Variants in ABCC4 observed in about 807,000 individuals in gnomAD.
ABCC4 encodes ATP binding cassette subfamily C member 4 (PEL blood group).
Under a neutral mutation model 168.5 loss-of-function variants are expected in ABCC4, and 102 were observed. The ratio of observed to expected loss-of-function variants is 0.61; its 90% CI spans 0.52 to 0.71. The LOEUF is 0.71. ABCC4 is among the 30% of genes least tolerant of loss of function. The pLI is 0.00. For synonymous variants in ABCC4, 617 were observed against 590.7 expected, an observed-to-expected ratio of 1.04 and a Z score of -0.65; for missense variants, 1,402 against 1,605.8, an observed-to-expected ratio of 0.87 and a Z score of 2.17.
chr13:95,277,473 T>C (rs972208394), intron 1 of ABCC4, among the ~76,000 whole-genome samples: 4 of 151,192 alleles, frequency 2.6e-5, no homozygotes, highest in Non-Finnish European at 5.9e-5. Flanking sequence ...CTCAGTTATT[T>C]GGGAGCCTGA....
chr13:95,141,994 TGTAAACTA>T (rs2036333909), intron 19 of ABCC4, among the ~76,000 whole-genome samples: 1 of 152,228 alleles, frequency 6.6e-6, no homozygotes, highest in South Asian at 2.1e-4. Flanking sequence ...CTGGTGGGAA[TGTAAACTA>T]GTACAACCAC....
chr13:95,137,250 T>A (rs577221058), intron 19 of ABCC4, among the ~76,000 whole-genome samples: 4 of 152,282 alleles, frequency 2.6e-5, no homozygotes, highest in African/African-American at 9.6e-5. Flanking sequence ...AAGTAAGAGC[T>A]CTCACCAGGA....
intron 19 of ABCC4, among the ~76,000 whole-genome samples, chr13:95,141,286 C>T (rs866583825): frequency 3.9e-5 from 6 of 152,166 alleles, no homozygotes; most frequent in Non-Finnish European, 7.3e-5. Flanking sequence ...GTAATCAAAA[C>T]GTTAAATGTT....
At chr13:95,185,512 T>G (rs1255574935) in intron 11 of ABCC4, among the ~76,000 whole-genome samples, 1 of 152,214 alleles carries the variant, frequency 6.6e-6, no homozygotes, top group Non-Finnish European at 1.5e-5. Flanking sequence ...CCAGCCATTG[T>G]TCAAGCAAAA....
At chr13:95,201,147 A>C (rs1384244307) in intron 8 of ABCC4, among the ~76,000 whole-genome samples, 1 of 152,222 alleles carries the variant, frequency 6.6e-6, no homozygotes, top group Non-Finnish European at 1.5e-5. Context: ...CTGGACACAG[A>C]GCACCTTGCC....
At chr13:95,253,574 G>A (rs560121585) in intron 1 of ABCC4, among the ~76,000 whole-genome samples, 110 of 151,900 alleles carry the variant, frequency 7.2e-4, no homozygotes, top group Middle Eastern at 6.8e-3. Context: ...ATGAAACCCC[G>A]CCTCTACTAA....
At chr13:95,195,343 A>C (rs1466365394) in intron 8 of ABCC4, among the ~76,000 whole-genome samples, 2 of 152,178 alleles carry the variant, frequency 1.3e-5, no homozygotes, top group African/African-American at 4.8e-5. Context: ...ATCATGTGCC[A>C]AGCCCCGCGC....
At chr13:95,207,747 G>C in intron 7 of ABCC4, 53 bp downstream of exon 7, 7 of 1,565,924 alleles carry the variant, frequency 4.5e-6, no homozygotes, top group Non-Finnish European at 6.1e-6. Flanking sequence ...CCATCAACAA[G>C]AATAGCAAAT....
chr13:95,116,727 G>C (rs966690795), intron 19 of ABCC4, among the ~76,000 whole-genome samples: 1 of 152,084 alleles, frequency 6.6e-6, no homozygotes, highest in African/African-American at 2.4e-5. Flanking sequence ...TGTCATAAAG[G>C]CATCACAAAC....
intron 1 of ABCC4, among the ~76,000 whole-genome samples, chr13:95,296,177 CACACACAA>C (rs551218120): frequency 0.4 from 27,833 of 69,476 alleles, 3,516 homozygotes; most frequent in South Asian, 0.45. Flanking sequence ...CACACACACA[CACACACAA>C]AAACACAAAA....
At chr13:95,095,861 T>C (rs971803032) in intron 20 of ABCC4, 1 of 315,442 alleles carries the variant, frequency 3.2e-6, no homozygotes, top group African/African-American at 2.1e-5. Flanking sequence ...CAATTCAGAA[T>C]ACATAAAGAA....
chr13:95,262,694 G>A lies in ABCC4; in HGVS notation c.75-14941C>T, dbSNP rs571642012. On this transcript the variant is annotated intron_variant, in intron 1 of 30. Coordinates refer to ENST00000645237, the MANE Select transcript of ABCC4 (RefSeq NM_005845.5). ...GTTGCCCAGGCTGGAGTGCTGTGGT[G>A]CGATCTCGGCTCACCACAACCTCCG... Among the ~76,000 whole-genome samples, 8 of 150,728 alleles carry A rather than the reference G, an allele frequency of 5.3e-5. No individual in the cohort carries two copies. The South Asian group carries it at 1.7e-3, about 32-fold the overall frequency.
At chr13:95,197,370 G>C (rs991544214) in intron 8 of ABCC4, among the ~76,000 whole-genome samples, 10 of 152,208 alleles carry the variant, frequency 6.6e-5, no homozygotes, top group Non-Finnish European at 1.3e-4. Flanking sequence ...TCAGTATTCT[G>C]TATGTGCAGG....
In ABCC4 at chr13:95,062,708, G is replaced by A. The variant is rs1024388256; in HGVS notation, c.3362C>T (p.Pro1121Leu). The A allele has an allele frequency of 1.9e-6, 3 of 1,613,288 alleles. No individual in the cohort carries two copies. Among genetic ancestry groups the A allele is most frequent in the Non-Finnish European group, 2.5e-6 (3 of 1,179,736 alleles). ...AGGACGCTATGACTTGCATACCTGA[G>A]GTATGATTGACATCTTCTTCCTTAA... The part of the protein sequence containing the change: ...HDLRKKMSII[P>L]QEPVLFTGTM... Residue 1121 changes from proline (P) to leucine (L), a missense_variant, in exon 26 of 31, where the codon CCT becomes CTT. Around this residue, in one of 3 missense-constraint regions of ABCC4, gnomAD observed 1,007 missense variants for 1,127.3 expected, o/e 0.89. Transcript: ENST00000645237.
intron 28 of ABCC4, 62 bp from the exon 29 acceptor site, chr13:95,043,849 A>G: frequency 1.7e-6 from 2 of 1,148,864 alleles, no homozygotes; most frequent in Non-Finnish European, 2.6e-6. Flanking sequence ...TAAGACTTAA[A>G]AAGCTCTACT....
At chr13:95,090,308 C>G (rs752803808) in intron 20 of ABCC4, among the ~76,000 whole-genome samples, 8 of 152,126 alleles carry the variant, frequency 5.3e-5, no homozygotes, top group African/African-American at 7.2e-5. Flanking sequence ...AACAGGAGGC[C>G]AACCAGTACA....
intron 30 of ABCC4, among the ~76,000 whole-genome samples, 194 bp downstream of exon 30, chr13:95,034,411 C>A (rs1232092779): frequency 1.3e-5 from 2 of 152,234 alleles, no homozygotes; most frequent in Admixed American, 6.5e-5. Context: ...CCAACCCCTA[C>A]CCGCTTCTGC....
At chr13:95,225,977 A>AG (rs1282339841) in intron 4 of ABCC4, among the ~76,000 whole-genome samples, 1 of 148,824 alleles carries the variant, frequency 6.7e-6, no homozygotes, top group Non-Finnish European at 1.5e-5. Flanking sequence ...TTAAAAAAAA[A>AG]AAAAAAAGAA....
At chr13:95,182,125 G>A (rs2037917493) in intron 11 of ABCC4, among the ~76,000 whole-genome samples, 1 of 152,108 alleles carries the variant, frequency 6.6e-6, no homozygotes, top group Non-Finnish European at 1.5e-5. Flanking sequence ...ACTAAGGAGT[G>A]ATATGGTTCT....
Sources: gnomAD v4.1 joint callset for allele counts (sites outside exome capture counted in the v4.1 genomes callset) on GRCh38, gnomAD v4.1.1 for gene constraint, gnomAD v4.1.1 regional missense constraint, MANE v1.5 for transcripts, NCBI Gene and HGNC (gene_info 2026-07-23, HGNC 2026-07-21) for gene names.